The following NMNAT2 variants were observed in gnomAD, a reference collection of about 807,000 sequenced individuals.
NMNAT2 encodes the protein nicotinamide/nicotinic acid mononucleotide adenylyltransferase 2.
NMNAT2 carries 11 observed loss-of-function variants against 41.6 expected under a neutral mutation model. That is an observed-to-expected ratio of 0.26 (90% CI 0.17 to 0.44). The LOEUF (loss-of-function observed/expected upper bound fraction) is 0.44. Ranked by LOEUF, NMNAT2 falls within the 20% of genes least tolerant of loss-of-function variation. The probability of loss-of-function intolerance (pLI) is 1.00; values close to 1 mark genes in which losing one functional copy is unlikely to be tolerated. For synonymous variants in NMNAT2, 148 were observed against 151.2 expected (o/e 0.98, Z 0.16); for missense variants, 288 against 407.7 (o/e 0.71, Z 2.53).
intron 8 of NMNAT2, 103 bp from the exon 9 acceptor site, chr1:183,261,406 G>T: frequency 9.5e-7 from 1 of 1,057,690 alleles, no homozygotes; most frequent in Non-Finnish European, 1.4e-6. Context: ...TCCACATGGA[G>T]CCCCAAGCTT....
intron 1 of NMNAT2, among the ~76,000 whole-genome samples, chr1:183,315,597 G>A (rs1662229053): frequency 1.3e-5 from 2 of 151,894 alleles, no homozygotes; most frequent in Non-Finnish European, 2.9e-5. Flanking sequence ...GCCTGGCCAA[G>A]ATGGTAAAAC....
intron 1 of NMNAT2, among the ~76,000 whole-genome samples, chr1:183,397,504 G>A (rs1050576761): frequency 1.1e-4 from 17 of 152,160 alleles, no homozygotes; most frequent in African/African-American, 4.1e-4. Flanking sequence ...ATATTATCCA[G>A]GAGAACTTCC....
chr1:183,308,660 C>T (rs1662046821), intron 1 of NMNAT2, among the ~76,000 whole-genome samples: 1 of 152,132 alleles, frequency 6.6e-6, no homozygotes, highest in South Asian at 2.1e-4. Flanking sequence ...ATCTCCAAGA[C>T]ACATCAGTAG....
intron 8 of NMNAT2, among the ~76,000 whole-genome samples, chr1:183,264,787 C>T (rs1660762183): frequency 6.6e-6 from 1 of 152,052 alleles, no homozygotes; most frequent in South Asian, 2.1e-4. Context: ...GCTTAGCTGT[C>T]CTTCCCACCT....
At chr1:183,352,968 G>A (rs984330169) in intron 1 of NMNAT2, among the ~76,000 whole-genome samples, 5 of 152,186 alleles carry the variant, frequency 3.3e-5, no homozygotes, top group African/African-American at 9.7e-5. Flanking sequence ...AATATGAAGA[G>A]GGGGTCAGAA....
chr1:183,300,148 A>C (rs1661811311), intron 1 of NMNAT2, among the ~76,000 whole-genome samples: 1 of 152,140 alleles, frequency 6.6e-6, no homozygotes, highest in Admixed American at 6.5e-5. Context: ...TCATGACTGT[A>C]ATCCCAACAC....
At chr1:183,357,471 C>T (rs1474617796) in intron 1 of NMNAT2, among the ~76,000 whole-genome samples, 5 of 151,936 alleles carry the variant, frequency 3.3e-5, no homozygotes, top group Non-Finnish European at 7.4e-5. Flanking sequence ...CCTCATGATC[C>T]ACCCGCCTTG....
intron 8 of NMNAT2, among the ~76,000 whole-genome samples, chr1:183,265,811 C>T (rs2102285358): frequency 6.6e-6 from 1 of 152,224 alleles, no homozygotes; most frequent in Non-Finnish European, 1.5e-5. Flanking sequence ...GTGAATATGG[C>T]AAAAGAGACT....
intron 1 of NMNAT2, among the ~76,000 whole-genome samples, chr1:183,384,717 ACG>A (rs1235060352): frequency 6.6e-6 from 1 of 152,216 alleles, no homozygotes; most frequent in Non-Finnish European, 1.5e-5. Flanking sequence ...TTACTCAAAG[ACG>A]TCTCTCATTG....
chr1:183,253,543 A>G (rs77767132), intron 10 of NMNAT2, among the ~76,000 whole-genome samples: 5,055 of 152,128 alleles, frequency 0.033, 130 homozygotes, highest in South Asian at 0.12. Context: ...TGTTTGTCCT[A>G]CATATTTGCT....
chr1:183,324,196 C>A (rs1342440241), intron 1 of NMNAT2, among the ~76,000 whole-genome samples: 1 of 152,116 alleles, frequency 6.6e-6, no homozygotes, highest in Non-Finnish European at 1.5e-5. Flanking sequence ...GTCAGATGCC[C>A]CTCCTGCAAT....
Position 183,250,314 on chromosome 1 carries a change from G to C in NMNAT2, c.*2327C>G, listed in dbSNP as rs201395964. On this transcript the variant is annotated 3_prime_UTR_variant, in exon 11 of 11. Transcript: ENST00000287713. ...CTTGGATTGATGGAGTCCGCTTCTG[G>C]GATTTCTTCCAAGCTGCTGAGATCT... 1.3e-5 allele frequency: 2 copies of C among 152,156 alleles called. No individual in the cohort carries two copies. Among genetic ancestry groups the C allele is most frequent in the African/African-American group, 4.8e-5 (2 of 41,386 alleles). The allele number at this position is 152,156 out of a possible 1,614,324, so 9.4% of individuals were successfully genotyped here.
At chr1:183,281,515 A>G (rs984422807) in intron 7 of NMNAT2, among the ~76,000 whole-genome samples, 1 of 152,226 alleles carries the variant, frequency 6.6e-6, no homozygotes, top group African/African-American at 2.4e-5. Flanking sequence ...CAAATATAAT[A>G]TGGGACTTTT....
chr1:183,335,721 CTTCA>C (rs926474529), intron 1 of NMNAT2, among the ~76,000 whole-genome samples: 5 of 152,202 alleles, frequency 3.3e-5, no homozygotes, highest in Non-Finnish European at 7.3e-5. Flanking sequence ...TCCCTGTGTA[CTTCA>C]TTCATTTTAT....
chr1:183,290,512 C>T (rs1661513627), intron 3 of NMNAT2: 1 of 303,954 alleles, frequency 3.3e-6, no homozygotes, highest in African/African-American at 2.1e-5. Context: ...CTCCCAGTGC[C>T]TCACCTTCCC....
chr1:183,379,070 CTAT>C (rs1663741339), intron 1 of NMNAT2, among the ~76,000 whole-genome samples: 1 of 77,212 alleles, frequency 1.3e-5, no homozygotes, highest in Non-Finnish European at 2.8e-5. Context: ...ATATCTATAT[CTAT>C]ATCTATATCT....
intron 1 of NMNAT2, among the ~76,000 whole-genome samples, chr1:183,344,906 T>C (rs1235714279): frequency 6.6e-6 from 1 of 152,186 alleles, no homozygotes; most frequent in Non-Finnish European, 1.5e-5. Flanking sequence ...CCGGCAGGGC[T>C]TCCTCCCCAT....
At chr1:183,262,227 A>G (rs762641235) in intron 8 of NMNAT2, among the ~76,000 whole-genome samples, 14 of 152,054 alleles carry the variant, frequency 9.2e-5, no homozygotes, top group Non-Finnish European at 1.9e-4. Flanking sequence ...CATTGTACCT[A>G]GCCAAAACCT....
intron 8 of NMNAT2, among the ~76,000 whole-genome samples, chr1:183,272,561 G>A (rs1661012678): frequency 6.6e-6 from 1 of 152,218 alleles, no homozygotes; most frequent in African/African-American, 2.4e-5. Context: ...ATGCCACAAG[G>A]GATGTGTTTG....
Sources: allele counts gnomAD v4.1 joint callset (sites outside exome capture counted in the v4.1 genomes callset), GRCh38; gene constraint gnomAD v4.1.1; transcripts MANE v1.5; gene names NCBI Gene and HGNC (gene_info 2026-07-23, HGNC 2026-07-21).